GRIK1: variants seen among roughly 807,000 people sequenced by gnomAD.
GRIK1 encodes the protein glutamate receptor ionotropic, kainate 1.
GRIK1 carries 69 observed loss-of-function variants against 105.7 expected under a neutral mutation model. The observed-to-expected ratio is 0.65, with a 90% confidence interval of 0.54 to 0.80. The LOEUF is 0.80. GRIK1 is among the 30% of genes least tolerant of loss of function. The pLI is 0.00. For missense variants in GRIK1, 1,109 were observed against 1,167.3 expected, an observed-to-expected ratio of 0.95 and a Z score of 0.73; for synonymous variants, 438 against 431.3, an observed-to-expected ratio of 1.02 and a Z score of -0.19.
At chr21:29,594,623 A>G (rs1356045612) in intron 9 of GRIK1, among the ~76,000 whole-genome samples, 1 of 152,206 alleles carries the variant, frequency 6.6e-6, no homozygotes, top group Non-Finnish European at 1.5e-5. Flanking sequence ...TGAGAAAAGC[A>G]TTTGAAAATG....
At chr21:29,892,937 GC>G (rs567585327) in intron 1 of GRIK1, among the ~76,000 whole-genome samples, 62 of 152,296 alleles carry the variant, frequency 4.1e-4, no homozygotes, top group African/African-American at 1.4e-3. Flanking sequence ...ACTTTGGGAG[GC>G]TTAGGCGGGT....
At chr21:29,836,177 C>T (rs2067800660) in intron 1 of GRIK1, among the ~76,000 whole-genome samples, 1 of 152,166 alleles carries the variant, frequency 6.6e-6, no homozygotes, top group African/African-American at 2.4e-5. Flanking sequence ...AATCTACCAG[C>T]AGGAAATTGA....
At chr21:29,781,832 G>A (rs1315480522) in intron 1 of GRIK1, among the ~76,000 whole-genome samples, 4 of 148,808 alleles carry the variant, frequency 2.7e-5, no homozygotes, top group South Asian at 2.2e-4. Context: ...CACCGCGCCC[G>A]GCTAATTTTT....
At chr21:29,919,739 C>CTTTT (rs2071128195) in intron 1 of GRIK1, among the ~76,000 whole-genome samples, 3 of 152,078 alleles carry the variant, frequency 2.0e-5, no homozygotes, top group Admixed American at 2.0e-4. Context: ...GACTTCTGTA[C>CTTTT]TTTTACAAAG....
In GRIK1 at chr21:29,694,002, A is replaced by G; in HGVS notation, c.180T>C (p.Phe60=). 6.2e-7 allele frequency: 1 copy of G among 1,612,422 alleles called. No homozygotes were observed. The highest frequency in any genetic ancestry group is 1.7e-5 in the Admixed American group (1 of 60,022). The part of the protein sequence containing the change: ...PVNVEELAFK[F]AVTSINRNRT... ...GGTTTCTGTTAATGCTGGTGACTGCAAACTTGAAAGCTAATTCTTCAACAT... is the reference window on the plus strand; with the variant it reads ...GGTTTCTGTTAATGCTGGTGACTGCGAACTTGAAAGCTAATTCTTCAACAT... The change falls in exon 2 of 18, where the codon TTT becomes TTC. Residue 60 remains phenylalanine (F), a synonymous_variant. Transcript: ENST00000327783.
rs371063543 is a variant in GRIK1 at position 29,591,204 on chromosome 21, T to C, written c.1273A>G (p.Ser425Gly). 9 of 1,603,922 alleles carry C rather than the reference T, an allele frequency of 5.6e-6. No individual in the cohort carries two copies. Among genetic ancestry groups the C allele is most frequent in the Non-Finnish European group, 7.7e-6 (9 of 1,172,506 alleles). Residue 425 changes from serine to glycine, a missense_variant, in exon 10 of 18, where the codon AGT (serine) becomes GGT (glycine). Coordinates refer to ENST00000327783, the MANE Select transcript of GRIK1 (RefSeq NM_001330994.2). Reference sequence around the variant, plus strand: ...TTGCTGTCCGTCATGTTAAGCCCACTGTTGGAATTCCAAATCCCAATCTAC... The same window carrying C: ...TTGCTGTCCGTCATGTTAAGCCCACCGTTGGAATTCCAAATCCCAATCTAC... ...WKKIGIWNSN[S>G]GLNMTDSNKD...
chr21:29,634,716 G>A (rs1364138292), intron 7 of GRIK1, among the ~76,000 whole-genome samples: 6 of 152,162 alleles, frequency 3.9e-5, no homozygotes, highest in Non-Finnish European at 8.8e-5. Flanking sequence ...GTTCAGGAAA[G>A]GCTTTCTAGA....
chr21:29,782,731 G>C (rs1304381365), intron 1 of GRIK1, among the ~76,000 whole-genome samples: 6 of 152,166 alleles, frequency 3.9e-5, no homozygotes, highest in Middle Eastern at 3.2e-3. Flanking sequence ...ACGATGACAT[G>C]GATGTCTTTC....
At chr21:29,749,309 A>G (rs2284463) in intron 1 of GRIK1, among the ~76,000 whole-genome samples, 5,552 of 152,288 alleles carry the variant, frequency 0.036, 236 homozygotes, top group East Asian at 0.1. Flanking sequence ...TATGCAGCTG[A>G]TCACATAGGG....
chr21:29,643,846 A>G (rs2062563048), intron 6 of GRIK1, among the ~76,000 whole-genome samples: 1 of 152,184 alleles, frequency 6.6e-6, no homozygotes, highest in African/African-American at 2.4e-5. Flanking sequence ...CAGAAGAGAT[A>G]AAGCTATTTA....
intron 1 of GRIK1, among the ~76,000 whole-genome samples, chr21:29,706,821 AT>A (rs536816003): frequency 1.7e-3 from 255 of 152,290 alleles, no homozygotes; most frequent in African/African-American, 5.6e-3. Flanking sequence ...CAATGCACGT[AT>A]TTTTAAATGT....
At chr21:29,869,336 T>C (rs1355554497) in intron 1 of GRIK1, among the ~76,000 whole-genome samples, 1 of 152,240 alleles carries the variant, frequency 6.6e-6, no homozygotes, top group Non-Finnish European at 1.5e-5. Context: ...AGGTTAAGCC[T>C]AGTGAGAAAT....
chr21:29,764,246 C>T (rs1251718163), intron 1 of GRIK1, among the ~76,000 whole-genome samples: 2 of 152,128 alleles, frequency 1.3e-5, no homozygotes, highest in Non-Finnish European at 2.9e-5. Context: ...GAGGTGAAAA[C>T]ATTATCTAGG....
At chr21:29,722,608 T>C (rs2064351061) in intron 1 of GRIK1, among the ~76,000 whole-genome samples, 1 of 150,632 alleles carries the variant, frequency 6.6e-6, no homozygotes, top group Admixed American at 6.6e-5. Flanking sequence ...CCCAAACTAA[T>C]ACTTTTATTT....
In GRIK1 at chr21:29,727,639, G is replaced by C. The variant is rs572690983; in HGVS notation, c.119-33576C>G. On this transcript the variant is annotated intron_variant, in intron 1 of 17. Transcript: ENST00000327783. ...CACATAATAGTTTCTATTCTCTCTT[G>C]TAAGAGGCTTGAAGTGTAAATGTCC... 3.9e-5 allele frequency among the ~76,000 whole-genome samples: 6 copies of C among 152,314 alleles called. No homozygotes were observed. The South Asian group carries it at 1.2e-3, about 32-fold the overall frequency.
intron 14 of GRIK1, among the ~76,000 whole-genome samples, chr21:29,565,245 C>T (rs1490057407): frequency 6.6e-6 from 1 of 152,184 alleles, no homozygotes; most frequent in Admixed American, 6.5e-5. Context: ...ATTTAGAGCT[C>T]TCTTTCGTCG....
chr21:29,539,857 G>T (rs944424894), intron 16 of GRIK1, among the ~76,000 whole-genome samples: 6 of 152,254 alleles, frequency 3.9e-5, no homozygotes, highest in African/African-American at 1.4e-4. Flanking sequence ...AAAAGAGCTT[G>T]CATTTGAACT....
chr21:29,583,089 G>A (rs1483140610), intron 12 of GRIK1, among the ~76,000 whole-genome samples: 1 of 152,112 alleles, frequency 6.6e-6, no homozygotes, highest in Non-Finnish European at 1.5e-5. Context: ...TGGGATAACA[G>A]TCTCGTAGTT....
chr21:29,710,765 G>A (rs1310634150), intron 1 of GRIK1, among the ~76,000 whole-genome samples: 14 of 106,776 alleles, frequency 1.3e-4, no homozygotes, highest in South Asian at 4.1e-4. Flanking sequence ...CCCTCCCTCC[G>A]TCCGTCCCTC....
Sources: gnomAD v4.1 joint callset for allele counts (sites outside exome capture counted in the v4.1 genomes callset) on GRCh38, gnomAD v4.1.1 for gene constraint, MANE v1.5 for transcripts, NCBI Gene and HGNC (gene_info 2026-07-23, HGNC 2026-07-21) for gene names.